MYO6: variants seen among roughly 807,000 people sequenced by gnomAD.
MYO6 encodes unconventional myosin-VI.
In MYO6, 74 loss-of-function variants were observed where a neutral mutation model predicts 178.7. The ratio of observed to expected loss-of-function variants is 0.41; its 90% CI spans 0.34 to 0.50. The LOEUF (loss-of-function observed/expected upper bound fraction) is 0.50, where lower values mean the gene tolerates loss of function less well. Among genes scored for constraint, MYO6 ranks in the 20% least tolerant of loss-of-function variants. MYO6 has a pLI of 0.09. For missense variants in MYO6, 1,330 were observed against 1,547.4 expected (o/e 0.86, Z 2.36); for synonymous variants, 477 against 504.6 (o/e 0.95, Z 0.73).
chr6:75,823,499 A>G (rs372957420), intron 3 of MYO6, among the ~76,000 whole-genome samples: 1 of 152,206 alleles, frequency 6.6e-6, no homozygotes, highest in East Asian at 1.9e-4. Flanking sequence ...ACTTGACACT[A>G]ACAACTCTCC....
At position 75,890,277 on chromosome 6, in the gene MYO6, A is replaced by T. The variant is rs1778802731; in HGVS notation, c.2867+12A>T. 6.2e-7 allele frequency: 1 copy of T among 1,613,436 alleles called. No individual in the cohort carries two copies. Among genetic ancestry groups the T allele is most frequent in the South Asian group, 1.1e-5 (1 of 90,990 alleles). ...GAGGAAAGGCGGATGTGAGGCATTT[A>T]TATTATTTTGAATAAGAGACTTAAA... On this transcript the variant is annotated intron_variant, in intron 26 of 34. Coordinates refer to ENST00000369977, the MANE Select transcript of MYO6 (RefSeq NM_004999.4).
At chr6:75,758,309 C>T (rs1438976805) in intron 1 of MYO6, among the ~76,000 whole-genome samples, 1 of 152,058 alleles carries the variant, frequency 6.6e-6, no homozygotes, top group African/African-American at 2.4e-5. Context: ...GTTAACCAGG[C>T]AGTATGTGGT....
chr6:75,822,972 A>C, intron 3 of MYO6, 121 bp downstream of exon 3: 1 of 779,056 alleles, frequency 1.3e-6, no homozygotes, highest in South Asian at 1.5e-5. Context: ...TAGTCTTTTG[A>C]CATGAATATT....
rs6933995 is a variant in MYO6, at chr6:75,789,446, T to C, written c.-47-28055T>C. 4.5e-3 allele frequency among the ~76,000 whole-genome samples: 689 copies of C among 152,280 alleles called. 10 individuals carry two copies. The highest frequency in any genetic ancestry group is 0.016 in the African/African-American group (667 of 41,562). On this transcript the variant is annotated intron_variant, in intron 1 of 34. Transcript: ENST00000369977. ...ATTGAGTAATCAAACCTGTGGTTGT[T>C]CACTCTTCGAATGCTGAATTATACC...
chr6:75,845,233 A>G (rs1453890429), intron 10 of MYO6, among the ~76,000 whole-genome samples: 1 of 152,166 alleles, frequency 6.6e-6, no homozygotes, highest in African/African-American at 2.4e-5. Context: ...GTTTTCAAGC[A>G]TGAAGGTATT....
At chr6:75,828,693 A>G in intron 4 of MYO6, 80 bp downstream of exon 4, 1 of 902,214 alleles carries the variant, frequency 1.1e-6, no homozygotes. Context: ...CACGCTTGAA[A>G]TTGTCTAACA....
intron 20 of MYO6, among the ~76,000 whole-genome samples, chr6:75,876,077 A>G (rs1427816004): frequency 3.9e-5 from 6 of 152,022 alleles, no homozygotes; most frequent in Admixed American, 2.6e-4. Flanking sequence ...ACCTGTGCAC[A>G]TGCTGCCTCC....
In MYO6 at chr6:75,832,856, C is replaced by T. The variant is rs758630450; in HGVS notation, c.406C>T (p.Arg136Ter). The change falls in exon 6 of 35, where the codon CGA becomes TGA. Residue 136 changes from arginine (R) to a stop codon, truncating the protein, a stop_gained. Transcript: ENST00000369977. LOFTEE classifies it high-confidence loss of function. ...TTTGACCCTAGCTGATAAAGCTTTTCGAGACATGAAGGTGCTCAAGATGAG... is the reference window on the plus strand; with the variant it reads ...TTTGACCCTAGCTGATAAAGCTTTTTGAGACATGAAGGTGCTCAAGATGAG... ...HVFAIADKAF[R>*]DMKVLKMSQS... The T allele has an allele frequency of 3.1e-6, 5 of 1,612,464 alleles. No homozygotes were observed. The highest frequency in any genetic ancestry group is 2.2e-5 in the South Asian group (2 of 91,052).
intron 24 of MYO6, among the ~76,000 whole-genome samples, 170 bp downstream of exon 24, chr6:75,886,264 A>C (rs1051781537): frequency 8.5e-5 from 13 of 152,194 alleles, no homozygotes; most frequent in African/African-American, 3.1e-4. Flanking sequence ...TAGTTAATTC[A>C]TTTATTACCT....
At chr6:75,875,126 T>C (rs960024815) in intron 20 of MYO6, among the ~76,000 whole-genome samples, 5 of 152,246 alleles carry the variant, frequency 3.3e-5, no homozygotes, top group African/African-American at 1.2e-4. Context: ...TCTCATTCTA[T>C]GTCAGTACTG....
chr6:75,907,834 A>G (rs1780458196), intron 31 of MYO6, 126 bp downstream of exon 31: 1 of 704,156 alleles, frequency 1.4e-6, no homozygotes, highest in African/African-American at 1.8e-5. Flanking sequence ...GTATGTACAT[A>G]TAATACCTAT....
intron 1 of MYO6, among the ~76,000 whole-genome samples, chr6:75,800,168 A>G (rs1045472495): frequency 2.0e-5 from 3 of 151,826 alleles, no homozygotes; most frequent in East Asian, 1.9e-4. Context: ...TCCAGACTCT[A>G]CTCTCCCCAA....
chr6:75,841,493 A>T (rs1774219692), intron 9 of MYO6, 115 bp downstream of exon 9: 2 of 981,248 alleles, frequency 2.0e-6, no homozygotes, highest in Admixed American at 4.7e-5. Context: ...GTTCGAGAGC[A>T]GCCTGGGCAA....
At chr6:75,764,104 C>T (rs1029459773) in intron 1 of MYO6, among the ~76,000 whole-genome samples, 9 of 152,084 alleles carry the variant, frequency 5.9e-5, no homozygotes, top group African/African-American at 9.7e-5. Context: ...GGACTGCATT[C>T]GTACCATTAT....
intron 1 of MYO6, among the ~76,000 whole-genome samples, chr6:75,752,189 A>G (rs1430071596): frequency 1.3e-5 from 2 of 152,028 alleles, no homozygotes. Flanking sequence ...ATGGGGTTTC[A>G]CCATGTTGGC....
chr6:75,908,227 A>T (rs1275006730), intron 31 of MYO6, among the ~76,000 whole-genome samples: 1 of 152,152 alleles, frequency 6.6e-6, no homozygotes, highest in Non-Finnish European at 1.5e-5. Context: ...TTTCTGATGC[A>T]ATTCCTTCAT....
intron 19 of MYO6, among the ~76,000 whole-genome samples, chr6:75,872,499 A>G (rs1465114521): frequency 1.3e-5 from 2 of 152,186 alleles, no homozygotes; most frequent in African/African-American, 4.8e-5. Flanking sequence ...AAGGGGCATA[A>G]TTTTATTTAC....
rs185373051 is a variant in MYO6, at chr6:75,781,540, G to C, written c.-48+32117G>C. Among the ~76,000 whole-genome samples, 668 of 152,264 alleles carry C rather than the reference G, an allele frequency of 4.4e-3. 2 individuals are homozygous for C. The highest frequency in any genetic ancestry group is 8.9e-3 in the South Asian group (43 of 4,828). Reference sequence around the variant, plus strand: ...GCATGGAGTTGACACGTTGATCTCTGCTGGGGATAACTCAGCTTTCCAGGT... The same window carrying C: ...GCATGGAGTTGACACGTTGATCTCTCCTGGGGATAACTCAGCTTTCCAGGT... On this transcript the variant is annotated intron_variant, in intron 1 of 34. Transcript: ENST00000369977.
chr6:75,891,099 T>C (rs1778868718), intron 26 of MYO6, 129 bp from the exon 27 acceptor site: 1 of 573,162 alleles, frequency 1.7e-6, no homozygotes, highest in Non-Finnish European at 3.2e-6. Context: ...AGTTGATGTA[T>C]GTGGCCAGGA....
Sources: gnomAD v4.1 joint callset for allele counts (sites outside exome capture counted in the v4.1 genomes callset) on GRCh38, gnomAD v4.1.1 for gene constraint, MANE v1.5 for transcripts, NCBI Gene and HGNC (gene_info 2026-07-23, HGNC 2026-07-21) for gene names.